LHX2: variants seen among roughly 807,000 people sequenced by gnomAD.
LHX2 encodes LIM/homeobox protein Lhx2.
In LHX2, 6 loss-of-function variants were observed where a neutral mutation model predicts 33.0. The observed-to-expected ratio is 0.18, with a 90% CI of 0.10 to 0.36. The LOEUF (loss-of-function observed/expected upper bound fraction) is 0.36, where lower values mean the gene tolerates loss of function less well. Among genes scored for constraint, LHX2 ranks in the 10% least tolerant of loss-of-function variants. LHX2 has a pLI of 1.00. For missense variants in LHX2, 442 were observed against 586.2 expected, an observed-to-expected ratio of 0.75 and a Z score of 2.54; for synonymous variants, 292 against 253.1, an observed-to-expected ratio of 1.15 and a Z score of -1.46.
In LHX2 at chr9:124,012,371, G is replaced by T; in HGVS notation, c.23G>T (p.Gly8Val). Residue 8 changes from glycine (G) to valine (V), a missense_variant, in exon 1 of 5, where the codon GGC becomes GTC. Gly to Val is a moderately radical substitution (Grantham distance 109, BLOSUM62 -3). Transcript: ENST00000373615. The surrounding 1 kb of genome is among the most constrained non-coding windows in gnomAD (Gnocchi z 4.3). MLFHSLSGPEVHGVIDEM... is the reference protein window; with the variant it reads MLFHSLSVPEVHGVIDEM... The stretch of plus-strand genomic sequence containing the variant: ...GCGATGCTGTTCCACAGTCTGTCGG[G>T]CCCCGAGGTGCACGGGGTCATCGAC... 2 of 1,526,248 alleles carry T rather than the reference G, an allele frequency of 1.3e-6. No homozygotes were observed. Among genetic ancestry groups the T allele is most frequent in the Non-Finnish European group, 1.8e-6 (2 of 1,141,418 alleles). 94.5% of individuals were successfully genotyped at this position (1,526,248 alleles called of 1,614,324 possible).
intron 4 of LHX2, among the ~76,000 whole-genome samples, chr9:124,030,526 A>G (rs1213613212): frequency 6.6e-6 from 1 of 151,572 alleles, no homozygotes; most frequent in Non-Finnish European, 1.5e-5. Flanking sequence ...CTCCCAAAGT[A>G]CTTCGTGGAC....
At chr9:124,030,251 G>A (rs956593561) in intron 4 of LHX2, among the ~76,000 whole-genome samples, 2 of 152,358 alleles carry the variant, frequency 1.3e-5, no homozygotes, top group East Asian at 1.9e-4. Context: ...CCCTGCAGCC[G>A]GGGTGGTCCC....
At chr9:124,027,813 A>G (rs1828649393) in intron 4 of LHX2, among the ~76,000 whole-genome samples, 1 of 151,876 alleles carries the variant, frequency 6.6e-6, no homozygotes, top group Non-Finnish European at 1.5e-5. Context: ...GCGAGACTTC[A>G]TCTCAAAAAA....
At position 124,032,285 on chromosome 9, in the gene LHX2, C is replaced by T. The variant is rs1828711893; in HGVS notation, c.934-135C>T. On this transcript the variant is annotated intron_variant, in intron 4 of 4. Transcript: ENST00000373615. The surrounding 1 kb of genome is among the most constrained non-coding windows in gnomAD (Gnocchi z 4.1). ...AAAAAACCAAAAAAGCAAAATATTGCCAACCTGACTTTTTGGATCCTCTTG... is the reference window on the plus strand; with the variant it reads ...AAAAAACCAAAAAAGCAAAATATTGTCAACCTGACTTTTTGGATCCTCTTG... 1 of 1,119,748 alleles carries T rather than the reference C, an allele frequency of 8.9e-7. No individual in the cohort carries two copies. Among genetic ancestry groups the T allele is most frequent in the Non-Finnish European group, 1.2e-6 (1 of 811,718 alleles). The allele number at this position is 1,119,748 out of a possible 1,614,324, so 69.4% of individuals were successfully genotyped here. A position where few individuals can be genotyped will look rare whatever the true frequency, so the allele number is the denominator to read the frequency against.
At chr9:124,026,460 C>CAAAA (rs112864105) in intron 4 of LHX2, among the ~76,000 whole-genome samples, 12 of 78,800 alleles carry the variant, frequency 1.5e-4, no homozygotes, top group African/African-American at 5.2e-4. Flanking sequence ...GACTCTGTCT[C>CAAAA]AAAAAAAAAA....
Position 124,032,482 on chromosome 9 carries a change from C to G in LHX2, c.996C>G (p.Gly332=), listed in dbSNP as rs1202402865. Residue 332 remains glycine, a synonymous_variant, in exon 5 of 5, where the codon GGC becomes GGG. Coordinates refer to ENST00000373615, the MANE Select transcript of LHX2 (RefSeq NM_004789.4). The surrounding 1 kb of genome is among the most constrained non-coding windows in gnomAD (Gnocchi z 4.1). The part of the protein sequence containing the change: ...RRNLLRQENT[G]VDKSTDAALQ... ...ACCTCTTACGGCAGGAAAACACGGG[C>G]GTGGACAAGTCGACAGACGCGGCGC... The G allele has an allele frequency of 1.9e-6, 3 of 1,611,124 alleles. No homozygotes were observed. The African/African-American group carries it at 4.0e-5, about 22-fold the overall frequency.
At chr9:124,019,206 C>T (rs1396010712) in intron 3 of LHX2, among the ~76,000 whole-genome samples, 2 of 152,152 alleles carry the variant, frequency 1.3e-5, no homozygotes, top group Non-Finnish European at 2.9e-5. Context: ...GGTGAGGGGA[C>T]CTGAGTGCCG....
Position 124,021,358 on chromosome 9 carries a change from A to G in LHX2, c.933+54A>G, listed in dbSNP as rs190007235. On this transcript the variant is annotated intron_variant, in intron 4 of 4. Coordinates refer to ENST00000373615, the MANE Select transcript of LHX2 (RefSeq NM_004789.4). ...TGCGACCACCAGGGACTGGGGTGGAACCCTGCACCCCTCGCCGTGGGCCTT... is the reference window on the plus strand; with the variant it reads ...TGCGACCACCAGGGACTGGGGTGGAGCCCTGCACCCCTCGCCGTGGGCCTT... 3.8e-3 allele frequency: 5,844 copies of G among 1,534,064 alleles called. 48 individuals are homozygous for G. The highest frequency in any genetic ancestry group is 3.7e-3 in the Non-Finnish European group (4,189 of 1,119,904).
rs1022652514 is a variant in LHX2 at position 124,014,439 on chromosome 9, G to C, written c.323+276G>C. On this transcript the variant is annotated intron_variant, in intron 2 of 4. Coordinates refer to ENST00000373615, the MANE Select transcript of LHX2 (RefSeq NM_004789.4). This position sits in a 1 kb window ranked among gnomAD's most constrained non-coding sequence, Gnocchi z 4.8. ...CGGAGCTTAGACCACAAAAAAGCTT[G>C]AGTTGGGATCCTTGCTCCCCTCTCT... Among the ~76,000 whole-genome samples the C allele has an allele frequency of 1.3e-5, 2 of 152,148 alleles. No homozygotes were observed.
chr9:124,028,713 G>T (rs1173931198), intron 4 of LHX2, among the ~76,000 whole-genome samples: 3 of 152,202 alleles, frequency 2.0e-5, no homozygotes, highest in Non-Finnish European at 4.4e-5. Context: ...GGAGAGCATG[G>T]ACTCTTTTAG....
intron 3 of LHX2, among the ~76,000 whole-genome samples, chr9:124,017,453 C>G (rs1859211432): frequency 6.6e-6 from 1 of 152,210 alleles, no homozygotes; most frequent in Non-Finnish European, 1.5e-5. Context: ...CCCTTCCCTC[C>G]CCTCCCGCAC....
At position 124,014,597 on chromosome 9, in the gene LHX2, T is replaced by C. The variant is rs112508835; in HGVS notation, c.323+434T>C. Reference sequence around the variant, plus strand: ...TGCATTTCCAGGTCTTTTGAGAAAATGGGAATGAAAGGTGGCCAAGATCAA... The same window carrying C: ...TGCATTTCCAGGTCTTTTGAGAAAACGGGAATGAAAGGTGGCCAAGATCAA... On this transcript the variant is annotated intron_variant, in intron 2 of 4. Coordinates refer to ENST00000373615, the MANE Select transcript of LHX2 (RefSeq NM_004789.4). The surrounding 1 kb of genome is among the most constrained non-coding windows in gnomAD (Gnocchi z 4.8). Among the ~76,000 whole-genome samples the C allele has an allele frequency of 5.3e-3, 809 of 151,968 alleles. 9 individuals carry two copies. The highest frequency in any genetic ancestry group is 0.018 in the African/African-American group (751 of 41,396).
Position 124,012,327 on chromosome 9 carries a change from C to A in LHX2, c.-22C>A. ...CCCTCCCTCGGAGGAGCCGCGCCCC[C>A]GGCCCCGCCGGTCCCGCCGCGATGC... On this transcript the variant is annotated 5_prime_UTR_variant, in exon 1 of 5. Coordinates refer to ENST00000373615, the MANE Select transcript of LHX2 (RefSeq NM_004789.4). This position sits in a 1 kb window ranked among gnomAD's most constrained non-coding sequence, Gnocchi z 4.3. 7 of 1,485,616 alleles carry A rather than the reference C, an allele frequency of 4.7e-6. No individual in the cohort carries two copies. The highest frequency in any genetic ancestry group is 6.2e-6 in the Non-Finnish European group (7 of 1,123,370). The allele number at this position is 1,485,616 out of a possible 1,614,324, so 92.0% of individuals were successfully genotyped here. A position where few individuals can be genotyped will look rare whatever the true frequency, so the allele number is the denominator to read the frequency against.
At chr9:124,019,568 C>T (rs562555967) in intron 3 of LHX2, among the ~76,000 whole-genome samples, 5 of 152,168 alleles carry the variant, frequency 3.3e-5, no homozygotes, top group South Asian at 4.1e-4. Flanking sequence ...AGCTGTGTCA[C>T]CTGTAGTATT....
chr9:124,032,163 TC>T lies in LHX2; in HGVS notation c.934-254del. On this transcript the variant is annotated intron_variant, in intron 4 of 4. Transcript: ENST00000373615. This position sits in a 1 kb window ranked among gnomAD's most constrained non-coding sequence, Gnocchi z 4.1. The stretch of plus-strand genomic sequence containing the variant: ...AGGCTGAGGCGGGAGGATCGCTTGA[TC>T]CCAGGAGTTAGAAGCTGCAGTGAGT... 2.3e-6 allele frequency: 1 copy of T among 429,934 alleles called. No individual in the cohort carries two copies. The allele number at this position is 429,934 out of a possible 1,614,324, so 26.6% of individuals were successfully genotyped here. A position where few individuals can be genotyped will look rare whatever the true frequency, so the allele number is the denominator to read the frequency against.
intron 4 of LHX2, among the ~76,000 whole-genome samples, chr9:124,031,174 C>T (rs913681496): frequency 6.6e-6 from 1 of 152,300 alleles, no homozygotes; most frequent in Admixed American, 6.5e-5. Context: ...CCTGGCCTCA[C>T]TTTAATTTGG....
rs1227261563 is a variant in LHX2, at chr9:124,032,242, CAAACAA to C, written c.934-162_934-157del. On this transcript the variant is annotated intron_variant, in intron 4 of 4. Transcript: ENST00000373615. This position sits in a 1 kb window ranked among gnomAD's most constrained non-coding sequence, Gnocchi z 4.1. ...GGGGGACCAAGCCAGACCCTGTCTGCAAACAAAAACAAAAACAAAAAAACCAAAAAA... is the reference window on the plus strand; with the variant it reads ...GGGGGACCAAGCCAGACCCTGTCTGCAAACAAAAACAAAAAAACCAAAAAA... 27 of 681,290 alleles carry C rather than the reference CAAACAA, an allele frequency of 4.0e-5. No individual in the cohort carries two copies. Among genetic ancestry groups the C allele is most frequent in the South Asian group, 8.8e-5 (4 of 45,324 alleles). The allele number at this position is 681,290 out of a possible 1,614,324, so 42.2% of individuals were successfully genotyped here.
chr9:124,013,058 G>A (rs1859121154), intron 1 of LHX2, among the ~76,000 whole-genome samples: 2 of 152,270 alleles, frequency 1.3e-5, no homozygotes, highest in Admixed American at 6.5e-5. Flanking sequence ...GGCCCTCGCC[G>A]AAGGAGACTC....
chr9:124,027,487 G>C (rs1165378669), intron 4 of LHX2, among the ~76,000 whole-genome samples: 2 of 152,172 alleles, frequency 1.3e-5, no homozygotes, highest in Non-Finnish European at 2.9e-5. Flanking sequence ...AGGACCAAAT[G>C]AGTTAATGTG....
Sources: gnomAD v4.1 joint callset for allele counts (sites outside exome capture counted in the v4.1 genomes callset) on GRCh38, gnomAD v4.1.1 for gene constraint, Gnocchi (gnomAD v3.1) non-coding constraint, MANE v1.5 for transcripts, NCBI Gene and HGNC (gene_info 2026-07-23, HGNC 2026-07-21) for gene names.